AARS1: variants seen among roughly 807,000 people sequenced by gnomAD.
AARS1 encodes the protein alanyl-tRNA synthetase 1.
Under a neutral mutation model 108.9 loss-of-function variants are expected in AARS1, and 72 were observed. The observed-to-expected ratio is 0.66, with a 90% CI of 0.55 to 0.80. The LOEUF (loss-of-function observed/expected upper bound fraction) is 0.80, where lower values mean the gene tolerates loss of function less well. Among genes scored for constraint, AARS1 ranks in the 30% least tolerant of loss-of-function variants. The probability of loss-of-function intolerance (pLI) is 0.00; values close to 1 mark genes in which losing one functional copy is unlikely to be tolerated. For missense variants in AARS1, 1,193 were observed against 1,233.2 expected (o/e 0.97, Z 0.49); for synonymous variants, 489 against 465.7 (o/e 1.05, Z -0.64).
chr16:70,286,855 C>G (rs1365612728), intron 1 of AARS1, among the ~76,000 whole-genome samples: 1 of 151,776 alleles, frequency 6.6e-6, no homozygotes, highest in African/African-American at 2.4e-5. Flanking sequence ...GTGGCTCACG[C>G]CTGTAATCCC....
chr16:70,287,018 G>A (rs1196043313), intron 1 of AARS1, among the ~76,000 whole-genome samples: 3 of 151,720 alleles, frequency 2.0e-5, no homozygotes, highest in Non-Finnish European at 2.9e-5. Context: ...TTGGGAGGCC[G>A]AGGCGGGCGG....
In AARS1 at chr16:70,282,712, A is replaced by C. The variant is rs1960733093; in HGVS notation, c.52T>G (p.Phe18Val). The change falls in exon 2 of 21, where the codon TTC becomes GTC. Residue 18 changes from phenylalanine to valine, a missense_variant. Transcript: ENST00000261772. Reference protein sequence around the residue: ...SEIRQRFIDFFKRNEHTYVHS... With the variant: ...SEIRQRFIDFVKRNEHTYVHS... ...ACATACGTATGCTCGTTCCTCTTGAAGAAATCTATAAATCGCTGCCGGATT... is the reference window on the plus strand; with the variant it reads ...ACATACGTATGCTCGTTCCTCTTGACGAAATCTATAAATCGCTGCCGGATT... 1 of 1,614,068 alleles carries C rather than the reference A, an allele frequency of 6.2e-7. No homozygotes were observed. Among genetic ancestry groups the C allele is most frequent in the African/African-American group, 1.3e-5 (1 of 74,924 alleles).
chr16:70,256,568 G>A (rs1303681696), intron 15 of AARS1, among the ~76,000 whole-genome samples: 1 of 152,114 alleles, frequency 6.6e-6, no homozygotes, highest in Non-Finnish European at 1.5e-5. Flanking sequence ...CCTAAGTGCT[G>A]GGATTAAAGG....
rs570101788 is a variant in AARS1 at position 70,263,223 on chromosome 16, T to G, written c.1493-699A>C. 4.5e-4 allele frequency among the ~76,000 whole-genome samples: 68 copies of G among 152,156 alleles called. 1 individual carries two copies. The highest frequency in any genetic ancestry group is 3.4e-3 in the Middle Eastern group (1 of 294). On this transcript the variant is annotated intron_variant, in intron 11 of 20. Coordinates refer to ENST00000261772, the MANE Select transcript of AARS1 (RefSeq NM_001605.3). ...TAGTAATAAATTCCCTAGTCCAAGG[T>G]CAACTCACAAAGAATGTACTCATTT...
At chr16:70,268,479 CT>C in intron 7 of AARS1, 100 bp from the exon 8 acceptor site, 1 of 957,544 alleles carries the variant, frequency 1.0e-6, no homozygotes. Context: ...CAGGAACTTT[CT>C]TTTATCCTAA....
intron 13 of AARS1, among the ~76,000 whole-genome samples, chr16:70,260,217 C>G (rs1038010921): frequency 2.0e-5 from 3 of 152,224 alleles, no homozygotes; most frequent in Non-Finnish European, 2.9e-5. Context: ...CAGTTATTTA[C>G]ACAAAGTTTG....
chr16:70,253,491 C>A, intron 19 of AARS1, 110 bp from the exon 20 acceptor site: 2 of 1,089,288 alleles, frequency 1.8e-6, no homozygotes, highest in Non-Finnish European at 2.7e-6. Context: ...CTTCCCAGAG[C>A]AGGGGCTGTG....
Position 70,262,544 on chromosome 16 carries a change from A to T in AARS1, c.1493-20T>A. On this transcript the variant is annotated intron_variant, in intron 11 of 20. Coordinates refer to ENST00000261772, the MANE Select transcript of AARS1 (RefSeq NM_001605.3). ...CAAATACTGCTCAAGGGAAATGCAT[A>T]GAAAGGGGACAGTGGGGTCAATGAC... The T allele has an allele frequency of 1.2e-6, 2 of 1,601,634 alleles. No homozygotes were observed. Among genetic ancestry groups the T allele is most frequent in the Non-Finnish European group, 1.7e-6 (2 of 1,170,532 alleles).
rs140051419 is a variant in AARS1 at position 70,278,764 on chromosome 16, C to T, written c.145-1610G>A. On this transcript the variant is annotated intron_variant, in intron 2 of 20. Coordinates refer to ENST00000261772, the MANE Select transcript of AARS1 (RefSeq NM_001605.3). Reference sequence around the variant, plus strand: ...ACTCTCTCACTCATCTCTGTATCTTCGGCACCTAGCTGGGTGCCTAATATC... The same window carrying T: ...ACTCTCTCACTCATCTCTGTATCTTTGGCACCTAGCTGGGTGCCTAATATC... Among the ~76,000 whole-genome samples the T allele has an allele frequency of 2.3e-3, 344 of 151,988 alleles. 2 individuals are homozygous for T. Among genetic ancestry groups the T allele is most frequent in the African/African-American group, 7.3e-3 (301 of 41,444 alleles).
At chr16:70,254,287 A>G in intron 17 of AARS1, 1 of 608,042 alleles carries the variant, frequency 1.6e-6, no homozygotes, top group Non-Finnish European at 2.9e-6. Flanking sequence ...ACAGCCTGTG[A>G]TAAGCTTCCT....
At chr16:70,270,693 C>T (rs959935938) in intron 5 of AARS1, among the ~76,000 whole-genome samples, 51 of 151,190 alleles carry the variant, frequency 3.4e-4, no homozygotes, top group South Asian at 2.1e-4. Context: ...CAAAATTAGC[C>T]GAGCATGGTG....
chr16:70,282,492 TAA>T, intron 2 of AARS1, 126 bp downstream of exon 2: 1 of 1,188,602 alleles, frequency 8.4e-7, no homozygotes, highest in South Asian at 1.3e-5. Context: ...GCCCATCACA[TAA>T]AGTTTCACAA....
At chr16:70,256,336 G>A (rs956932163) in intron 15 of AARS1, among the ~76,000 whole-genome samples, 35 of 152,142 alleles carry the variant, frequency 2.3e-4, no homozygotes, top group African/African-American at 7.0e-4. Context: ...ACAGAGTCCT[G>A]TTCTGTTGTT....
At chr16:70,277,575 T>G (rs1166477681) in intron 2 of AARS1, among the ~76,000 whole-genome samples, 1 of 152,126 alleles carries the variant, frequency 6.6e-6, no homozygotes, top group Admixed American at 6.6e-5. Flanking sequence ...TGACACATAT[T>G]AAGGGAATAA....
intron 4 of AARS1, among the ~76,000 whole-genome samples, chr16:70,275,755 T>G (rs1341403839): frequency 6.7e-6 from 1 of 149,312 alleles, no homozygotes; most frequent in East Asian, 2.0e-4. Flanking sequence ...AGAGCGAGAC[T>G]CCAACAACAA....
At chr16:70,272,015 A>G in intron 4 of AARS1, 43 bp from the exon 5 acceptor site, 1 of 1,592,636 alleles carries the variant, frequency 6.3e-7, no homozygotes, top group Non-Finnish European at 8.6e-7. Context: ...GCCCCTGACA[A>G]GAGTTCTGCC....
intron 4 of AARS1, among the ~76,000 whole-genome samples, chr16:70,272,491 A>ATT (rs1960431783): frequency 8.1e-6 from 1 of 123,688 alleles, no homozygotes; most frequent in Non-Finnish European, 1.7e-5. Flanking sequence ...GGGCAACGAG[A>ATT]GCAAAACTCC....
At chr16:70,288,098 CTTTTTTTT>C (rs34369477) in intron 1 of AARS1, among the ~76,000 whole-genome samples, 2 of 83,888 alleles carry the variant, frequency 2.4e-5, no homozygotes, top group African/African-American at 1.0e-4. Flanking sequence ...TCCCCTTCTT[CTTTTTTTT>C]TTTTTTTTTT....
intron 2 of AARS1, among the ~76,000 whole-genome samples, chr16:70,279,350 C>CA (rs57438636): frequency 0.065 from 2,444 of 37,784 alleles, 381 homozygotes; most frequent in African/African-American, 0.22. Flanking sequence ...AACTTCATCT[C>CA]AAAAAAAAAA....
Sources: allele counts gnomAD v4.1 joint callset (sites outside exome capture counted in the v4.1 genomes callset), GRCh38; gene constraint gnomAD v4.1.1; transcripts MANE v1.5; gene names NCBI Gene and HGNC (gene_info 2026-07-23, HGNC 2026-07-21).